The following PSEN1 variants were observed in gnomAD, a reference collection of about 807,000 sequenced individuals.
The protein encoded by PSEN1 is presenilin 1.
PSEN1 carries 15 observed loss-of-function variants against 53.5 expected under a neutral mutation model. That is an observed-to-expected ratio of 0.28 (90% confidence interval 0.19 to 0.43). PSEN1 has a LOEUF of 0.43. Ranked by LOEUF, PSEN1 falls within the 20% of genes least tolerant of loss-of-function variation. The probability of loss-of-function intolerance (pLI) is 1.00; values close to 1 mark genes in which losing one functional copy is unlikely to be tolerated. For synonymous variants in PSEN1, 208 were observed against 209.8 expected, an observed-to-expected ratio of 0.99 and a Z score of 0.08; for missense variants, 387 against 571.2, an observed-to-expected ratio of 0.68 and a Z score of 3.29.
chr14:73,160,632 G>A (rs551246692), intron 3 of PSEN1, among the ~76,000 whole-genome samples: 1 of 151,828 alleles, frequency 6.6e-6, no homozygotes, highest in Non-Finnish European at 1.5e-5. Flanking sequence ...CTAATGATTA[G>A]TGATGTTGAG....
At chr14:73,192,996 T>C in intron 7 of PSEN1, 132 bp downstream of exon 7, 1 of 762,632 alleles carries the variant, frequency 1.3e-6, no homozygotes, top group Non-Finnish European at 2.3e-6. Context: ...AAATCATTAA[T>C]TAGCTATAGT....
chr14:73,159,808 A>T (rs1897474244), intron 3 of PSEN1, among the ~76,000 whole-genome samples: 1 of 152,078 alleles, frequency 6.6e-6, no homozygotes, highest in Non-Finnish European at 1.5e-5. Context: ...TGTTTCTATA[A>T]CATGGACTAC....
intron 8 of PSEN1, among the ~76,000 whole-genome samples, chr14:73,200,045 C>T (rs756014036): frequency 2.4e-4 from 37 of 152,126 alleles, no homozygotes; most frequent in Admixed American, 1.3e-4. Flanking sequence ...CCATGCCCGG[C>T]CACTGCTTTG....
intron 8 of PSEN1, among the ~76,000 whole-genome samples, chr14:73,201,845 C>G (rs1444815265): frequency 1.3e-5 from 2 of 152,098 alleles, no homozygotes. Context: ...CTCCCAAGTT[C>G]AAGCAATGGT....
chr14:73,178,127 C>T (rs947189379), intron 5 of PSEN1, among the ~76,000 whole-genome samples: 6 of 151,566 alleles, frequency 4.0e-5, no homozygotes, highest in African/African-American at 1.5e-4. Context: ...ACCACATTGA[C>T]CAGGCTGGTC....
chr14:73,184,942 C>T (rs1374609071), intron 5 of PSEN1, among the ~76,000 whole-genome samples: 6 of 147,746 alleles, frequency 4.1e-5, no homozygotes, highest in South Asian at 2.2e-4. Flanking sequence ...CGCGGCCGGG[C>T]AGAGGTGCTC....
intron 1 of PSEN1, among the ~76,000 whole-genome samples, chr14:73,143,180 C>T (rs1896974127): frequency 6.6e-6 from 1 of 152,312 alleles, no homozygotes; most frequent in South Asian, 2.1e-4. Flanking sequence ...TCTAGCTTTG[C>T]CTGCCCCTTT....
chr14:73,211,543 C>T (rs1899679780), intron 9 of PSEN1, among the ~76,000 whole-genome samples: 1 of 151,880 alleles, frequency 6.6e-6, no homozygotes, highest in South Asian at 2.1e-4. Flanking sequence ...CCACCAGAGT[C>T]ATGTGGGAGG....
chr14:73,208,871 A>G (rs1234035168), intron 9 of PSEN1: 1 of 455,326 alleles, frequency 2.2e-6, no homozygotes, highest in Admixed American at 2.4e-5. Context: ...TATAGCTCCC[A>G]TGGCACCCAG....
intron 9 of PSEN1, chr14:73,209,036 G>A (rs1006686911): frequency 5.8e-5 from 20 of 347,298 alleles, no homozygotes; most frequent in Non-Finnish European, 9.7e-5. Context: ...CCGCACACCC[G>A]GCCAGGTCAT....
In PSEN1 at chr14:73,211,880, A is replaced by T; in HGVS notation, c.1067A>T (p.Glu356Val). The T allele has an allele frequency of 6.2e-7, 1 of 1,613,984 alleles. No individual in the cohort carries two copies. The highest frequency in any genetic ancestry group is 8.5e-7 in the Non-Finnish European group (1 of 1,179,976). Residue 356 changes from glutamate to valine, a missense_variant, in exon 10 of 12, where the codon GAG (glutamate) becomes GTG (valine). Around this residue, in one of 4 missense-constraint regions of PSEN1, gnomAD observed 75 missense variants for 63.7 expected, o/e 1.18. Coordinates refer to ENST00000324501, the MANE Select transcript of PSEN1 (RefSeq NM_000021.4). ...SHLGPHRSTP[E>V]SRAAVQELSS... ...CTAGGGCCTCATCGCTCTACACCTGAGTCACGAGCTGCTGTCCAGGAACTT... is the reference window on the plus strand; with the variant it reads ...CTAGGGCCTCATCGCTCTACACCTGTGTCACGAGCTGCTGTCCAGGAACTT...
At chr14:73,210,146 CTG>C (rs766076313) in intron 9 of PSEN1, among the ~76,000 whole-genome samples, 18 of 152,248 alleles carry the variant, frequency 1.2e-4, no homozygotes, top group Non-Finnish European at 2.5e-4. Flanking sequence ...AACAAAAGAA[CTG>C]AGAGATTACC....
In PSEN1 at chr14:73,221,047, A is replaced by T. The variant is rs1249357130; in HGVS notation, c.*1758A>T. 1 of 152,172 alleles carries T rather than the reference A, an allele frequency of 6.6e-6. No individual in the cohort carries two copies. The highest frequency in any genetic ancestry group is 1.5e-5 in the Non-Finnish European group (1 of 68,048). 9.4% of individuals were successfully genotyped at this position (152,172 alleles called of 1,614,324 possible). On this transcript the variant is annotated 3_prime_UTR_variant, in exon 12 of 12. Coordinates refer to ENST00000324501, the MANE Select transcript of PSEN1 (RefSeq NM_000021.4). ...TGGTTTGGGGCTGTCTTTGGTGTTT[A>T]GAATATTTGTTTTCTGTCCCAGGAT...
rs1161012829 is a variant in PSEN1 at position 73,221,262 on chromosome 14, T to C, written c.*1973T>C. ...TGAAATCCCTTCTTCCAAGATTCAT[T>C]CCCTCTCTCAGACATGTGCTAGCAT... On this transcript the variant is annotated 3_prime_UTR_variant, in exon 12 of 12. Transcript: ENST00000324501. 6.6e-6 allele frequency: 1 copy of C among 152,186 alleles called. No homozygotes were observed. The highest frequency in any genetic ancestry group is 2.4e-5 in the African/African-American group (1 of 41,452). 9.4% of individuals were successfully genotyped at this position (152,186 alleles called of 1,614,324 possible).
At chr14:73,191,922 A>G (rs1898733683) in intron 6 of PSEN1, among the ~76,000 whole-genome samples, 1 of 152,204 alleles carries the variant, frequency 6.6e-6, no homozygotes, top group Non-Finnish European at 1.5e-5. Flanking sequence ...ATTTGTTAGC[A>G]CATGTTTAAT....
At chr14:73,140,512 G>C (rs1896895196) in intron 1 of PSEN1, among the ~76,000 whole-genome samples, 1 of 151,796 alleles carries the variant, frequency 6.6e-6, no homozygotes, top group South Asian at 2.1e-4. Context: ...CCTGGCCAAG[G>C]TTTTTTATAA....
At chr14:73,159,103 T>G (rs1282489099) in intron 3 of PSEN1, among the ~76,000 whole-genome samples, 1 of 152,134 alleles carries the variant, frequency 6.6e-6, no homozygotes, top group African/African-American at 2.4e-5. Flanking sequence ...AAGTCCTCTG[T>G]AATATATATA....
intron 6 of PSEN1, among the ~76,000 whole-genome samples, chr14:73,188,301 C>T (rs552320571): frequency 5.3e-5 from 8 of 152,054 alleles, no homozygotes; most frequent in Non-Finnish European, 1.2e-4. Context: ...ACTAGATCAT[C>T]ATCTCTGTAT....
At chr14:73,189,464 T>A (rs1280232878) in intron 6 of PSEN1, among the ~76,000 whole-genome samples, 1 of 151,970 alleles carries the variant, frequency 6.6e-6, no homozygotes, top group Non-Finnish European at 1.5e-5. Context: ...TACAAAAAAT[T>A]AGCCGGGCGT....
Sources: gnomAD v4.1 joint callset for allele counts (sites outside exome capture counted in the v4.1 genomes callset) on GRCh38, gnomAD v4.1.1 for gene constraint, gnomAD v4.1.1 regional missense constraint, MANE v1.5 for transcripts, NCBI Gene and HGNC (gene_info 2026-07-23, HGNC 2026-07-21) for gene names.